VMP1: variants seen among roughly 807,000 people sequenced by gnomAD.
VMP1 encodes the protein ectopic P-granules autophagy protein 3 homolog.
In VMP1, 11 loss-of-function variants were observed where a neutral mutation model predicts 56.0. The observed-to-expected ratio is 0.20, with a 90% confidence interval of 0.12 to 0.32. The LOEUF is 0.32. Ranked by LOEUF, VMP1 falls within the 10% of genes least tolerant of loss-of-function variation. The pLI, the probability that VMP1 is intolerant of heterozygous loss-of-function variation, is 1.00. For missense variants in VMP1, 296 were observed against 490.3 expected (o/e 0.60, Z 3.74); for synonymous variants, 149 against 165.0 (o/e 0.90, Z 0.74).
intron 5 of VMP1, among the ~76,000 whole-genome samples, chr17:59,762,523 A>G (rs1369082586): frequency 2.6e-5 from 4 of 152,224 alleles, no homozygotes; most frequent in Admixed American, 2.0e-4. Context: ...CAAATCGGTT[A>G]TATTTAAAAA....
chr17:59,718,834 C>T (rs2143733023), intron 1 of VMP1, among the ~76,000 whole-genome samples: 1 of 152,066 alleles, frequency 6.6e-6, no homozygotes, highest in African/African-American at 2.4e-5. Flanking sequence ...CACACCCAGC[C>T]CTCCCCAAGA....
chr17:59,762,534 C>T (rs1016969994), intron 5 of VMP1, among the ~76,000 whole-genome samples: 1 of 151,854 alleles, frequency 6.6e-6, no homozygotes, highest in Non-Finnish European at 1.5e-5. Flanking sequence ...TATTTAAAAA[C>T]CATTAAGCTA....
intron 9 of VMP1, among the ~76,000 whole-genome samples, chr17:59,812,597 A>G (rs932512331): frequency 6.6e-6 from 1 of 152,260 alleles, no homozygotes; most frequent in Non-Finnish European, 1.5e-5. Context: ...AATTTGTTTT[A>G]TATCAGTATG....
intron 7 of VMP1, among the ~76,000 whole-genome samples, chr17:59,778,759 C>A (rs779798792): frequency 1.6e-4 from 25 of 152,194 alleles, no homozygotes; most frequent in Non-Finnish European, 2.8e-4. Flanking sequence ...CTAGGCAATG[C>A]AGACAGTCCC....
intron 1 of VMP1, 194 bp downstream of exon 1, chr17:59,707,942 G>C (rs1222047053): frequency 1.3e-5 from 2 of 152,210 alleles, no homozygotes; most frequent in East Asian, 3.8e-4. Context: ...CAGGTTATTT[G>C]GGACACCTTC....
chr17:59,787,438 C>T (rs1295023556), intron 7 of VMP1, among the ~76,000 whole-genome samples: 3 of 152,186 alleles, frequency 2.0e-5, no homozygotes, highest in Non-Finnish European at 4.4e-5. Context: ...GGAAACTTGT[C>T]TTCTCAACAT....
chr17:59,743,054 A>G (rs997726401), intron 5 of VMP1, among the ~76,000 whole-genome samples: 1 of 152,076 alleles, frequency 6.6e-6, no homozygotes, highest in Non-Finnish European at 1.5e-5. Context: ...CTATTAACAT[A>G]TTGTATTAGT....
chr17:59,765,639 T>G (rs1179232926), intron 6 of VMP1, among the ~76,000 whole-genome samples: 1 of 152,096 alleles, frequency 6.6e-6, no homozygotes, highest in Non-Finnish European at 1.5e-5. Context: ...ATTAATTAAG[T>G]GGAAACGGAT....
At chr17:59,817,676 C>A in intron 9 of VMP1, 36 bp from the exon 10 acceptor site, 1 of 1,506,334 alleles carries the variant, frequency 6.6e-7, no homozygotes, top group Non-Finnish European at 9.2e-7. Flanking sequence ...TTTTTGATGA[C>A]TAAATAATTT....
At chr17:59,744,317 C>T (rs2035338355) in intron 5 of VMP1, among the ~76,000 whole-genome samples, 1 of 151,330 alleles carries the variant, frequency 6.6e-6, no homozygotes, top group African/African-American at 2.4e-5. Flanking sequence ...AAGAAATTAG[C>T]CAGGCGTGTT....
intron 9 of VMP1, among the ~76,000 whole-genome samples, chr17:59,816,945 C>CA (rs113395601): frequency 1.9e-3 from 130 of 66,798 alleles, no homozygotes; most frequent in African/African-American, 3.4e-3. Context: ...GACTCCGTCT[C>CA]AAAAAAAAAA....
At chr17:59,709,984 T>C (rs2033843752) in intron 1 of VMP1, among the ~76,000 whole-genome samples, 1 of 151,946 alleles carries the variant, frequency 6.6e-6, no homozygotes, top group Admixed American at 6.6e-5. Flanking sequence ...GATCACGAGG[T>C]CAGGCGATCG....
chr17:59,810,793 A>G (rs1485390470), intron 8 of VMP1, among the ~76,000 whole-genome samples: 5 of 152,254 alleles, frequency 3.3e-5, no homozygotes, highest in African/African-American at 1.2e-4. Flanking sequence ...AAGTTCAAAA[A>G]TGAAATTATA....
intron 7 of VMP1, among the ~76,000 whole-genome samples, chr17:59,807,865 AAGAG>A (rs2037905054): frequency 6.6e-6 from 1 of 151,846 alleles, no homozygotes; most frequent in African/African-American, 2.4e-5. Flanking sequence ...AGTTGGACTA[AAGAG>A]AGTGGAAGAG....
intron 7 of VMP1, among the ~76,000 whole-genome samples, chr17:59,782,928 C>T (rs1344909315): frequency 1.3e-5 from 2 of 152,116 alleles, no homozygotes; most frequent in Non-Finnish European, 2.9e-5. Flanking sequence ...TGTGGCCGGG[C>T]GCGATGGCTC....
At chr17:59,770,107 C>T (rs891335411) in intron 6 of VMP1, among the ~76,000 whole-genome samples, 1 of 152,170 alleles carries the variant, frequency 6.6e-6, no homozygotes, top group African/African-American at 2.4e-5. Flanking sequence ...ATATAGTCAA[C>T]TACGTATAAG....
intron 10 of VMP1, 189 bp from the exon 11 acceptor site, chr17:59,838,106 T>TC (rs1017767867): frequency 2.6e-5 from 7 of 268,500 alleles, no homozygotes; most frequent in Admixed American, 5.5e-5. Context: ...TTTTCTTTTT[T>TC]TTTTTTTTTT....
intron 9 of VMP1, among the ~76,000 whole-genome samples, chr17:59,815,468 T>A (rs115869798): frequency 0.25 from 38,037 of 151,804 alleles, 5,066 homozygotes; most frequent in East Asian, 0.43. Context: ...GCAGAGATTT[T>A]TGTCTGTTGG....
intron 4 of VMP1, among the ~76,000 whole-genome samples, chr17:59,738,478 C>T (rs961586634): frequency 6.6e-6 from 1 of 152,112 alleles, no homozygotes; most frequent in African/African-American, 2.4e-5. Flanking sequence ...CTGCTAATCA[C>T]AGAGAAGTTT....
Sources: gnomAD v4.1 joint callset for allele counts (sites outside exome capture counted in the v4.1 genomes callset) on GRCh38, gnomAD v4.1.1 for gene constraint, MANE v1.5 for transcripts, NCBI Gene and HGNC (gene_info 2026-07-23, HGNC 2026-07-21) for gene names.